The following PXDN variants were observed in gnomAD, a reference collection of about 807,000 sequenced individuals.
PXDN encodes peroxidasin homolog.
In PXDN, 77 loss-of-function variants were observed where a neutral mutation model predicts 140.3. That is an observed-to-expected ratio of 0.55 (90% confidence interval 0.46 to 0.66). The LOEUF (loss-of-function observed/expected upper bound fraction) is 0.66, where lower values mean the gene tolerates loss of function less well. Among genes scored for constraint, PXDN ranks in the 30% least tolerant of loss-of-function variants. The pLI, the probability that PXDN is intolerant of heterozygous loss-of-function variation, is 0.00. For missense variants in PXDN, 1,838 were observed against 2,039.5 expected (o/e 0.90, Z 1.90); for synonymous variants, 911 against 857.4 (o/e 1.06, Z -1.09).
intron 1 of PXDN, among the ~76,000 whole-genome samples, chr2:1,710,631 GCACCCACTCTATGAA>G (rs1454914058): frequency 1.5e-3 from 146 of 96,762 alleles, no homozygotes; most frequent in Non-Finnish European, 1.8e-3. Flanking sequence ...CTCTCCACCA[GCACCCACTCTATGAA>G]CACCCACTCT....
In PXDN at chr2:1,684,163, A is replaced by G; in HGVS notation, c.417-12T>C. ...TAAAGTGCAGGTATCTAGAGGAGTT[A>G]AAAGAAAAAAAAGTATAACTTACAA... On this transcript the variant is annotated splice_polypyrimidine_tract_variant and intron_variant, in intron 4 of 22. Coordinates refer to ENST00000252804, the MANE Select transcript of PXDN (RefSeq NM_012293.3). The G allele has an allele frequency of 6.5e-7, 1 of 1,550,014 alleles. No homozygotes were observed. The highest frequency in any genetic ancestry group is 8.7e-7 in the Non-Finnish European group (1 of 1,144,246).
At chr2:1,692,138 T>C (rs1684195369) in intron 2 of PXDN, 139 bp from the exon 3 acceptor site, 4 of 656,288 alleles carry the variant, frequency 6.1e-6, no homozygotes, top group African/African-American at 1.8e-5. Flanking sequence ...CAACGAACGC[T>C]GAACCCGCAG....
chr2:1,715,205 G>A lies in PXDN; in HGVS notation c.201-22071C>T, dbSNP rs758737565. ...AGGCCATTTCATTCTGCCCCAGAAA[G>A]ACCCTGCTCCGGGGTTAAGGGCAAG... On this transcript the variant is annotated intron_variant, in intron 1 of 22. Coordinates refer to ENST00000252804, the MANE Select transcript of PXDN (RefSeq NM_012293.3). 2.0e-5 allele frequency among the ~76,000 whole-genome samples: 3 copies of A among 152,260 alleles called. No individual in the cohort carries two copies. The South Asian group carries it at 6.2e-4, about 32-fold the overall frequency.
chr2:1,717,361 C>T (rs1684919825), intron 1 of PXDN, among the ~76,000 whole-genome samples: 2 of 152,154 alleles, frequency 1.3e-5, no homozygotes, highest in African/African-American at 4.8e-5. Context: ...CGGATCAGTC[C>T]AAATGCCTCT....
At chr2:1,643,203 C>T (rs903536855) in intron 19 of PXDN, among the ~76,000 whole-genome samples, 165 bp downstream of exon 19, 4 of 152,300 alleles carry the variant, frequency 2.6e-5, no homozygotes, top group East Asian at 1.9e-4. Flanking sequence ...TTTTTGGCTC[C>T]GCAGTCCATC....
chr2:1,708,244 AT>A (rs552500297), intron 1 of PXDN, among the ~76,000 whole-genome samples: 15 of 152,314 alleles, frequency 9.8e-5, no homozygotes, highest in African/African-American at 3.6e-4. Context: ...TTGTTCTGCA[AT>A]TAGTTAAGAG....
chr2:1,649,039 T>C lies in PXDN; in HGVS notation c.2741A>G (p.Asn914Ser), dbSNP rs374907262. The change falls in exon 17 of 23, where the codon AAC becomes AGC. Residue 914 changes from asparagine to serine, a missense_variant. Coordinates refer to ENST00000252804, the MANE Select transcript of PXDN (RefSeq NM_012293.3). The surrounding 1 kb of genome is among the most constrained non-coding windows in gnomAD (Gnocchi z 7.1). ...NQLTSYIDASNVYGSTEHEAR... is the reference protein window; with the variant it reads ...NQLTSYIDASSVYGSTEHEAR... ...CTCATGCTCCGTGCTCCCGTACACG[T>C]TGGATGCGTCTATGTAGGAGGTGAG... 148 of 1,612,540 alleles carry C rather than the reference T, an allele frequency of 9.2e-5. No individual in the cohort carries two copies. The East Asian group carries it at 3.1e-3, about 33-fold the overall frequency.
intron 8 of PXDN, among the ~76,000 whole-genome samples, 179 bp downstream of exon 8, chr2:1,676,748 G>A (rs954214881): frequency 2.6e-5 from 4 of 152,308 alleles, no homozygotes; most frequent in East Asian, 1.9e-4. Context: ...CAGAAACGTC[G>A]TCACACCCCC....
At chr2:1,709,215 C>G (rs561314630) in intron 1 of PXDN, among the ~76,000 whole-genome samples, 5 of 152,180 alleles carry the variant, frequency 3.3e-5, no homozygotes, top group Admixed American at 3.3e-4. Flanking sequence ...GCGGGGACCA[C>G]GAGCACTGCT....
Position 1,687,879 on chromosome 2 carries a change from C to G in PXDN, c.345-176G>C, listed in dbSNP as rs1197145720. On this transcript the variant is annotated intron_variant, in intron 3 of 22. Transcript: ENST00000252804. The surrounding 1 kb of genome is among the most constrained non-coding windows in gnomAD (Gnocchi z 4.0). ...CCTCTCCCAAGGGCTTCCCTTCCCT[C>G]AGATCTCAAGGGGGCTAAAAGCAAC... is the stretch of plus-strand genomic sequence containing the variant. Among the ~76,000 whole-genome samples, 1 of 152,214 alleles carries G rather than the reference C, an allele frequency of 6.6e-6. No individual in the cohort carries two copies. The highest frequency in any genetic ancestry group is 6.5e-5 in the Admixed American group (1 of 15,282).
chr2:1,741,255 T>C (rs1261873652), intron 1 of PXDN, among the ~76,000 whole-genome samples: 1 of 152,182 alleles, frequency 6.6e-6, no homozygotes, highest in South Asian at 2.1e-4. Context: ...ACTTTATCTT[T>C]AATACTAGCT....
At chr2:1,739,857 C>T (rs1425114381) in intron 1 of PXDN, among the ~76,000 whole-genome samples, 2 of 152,220 alleles carry the variant, frequency 1.3e-5, no homozygotes, top group Admixed American at 6.5e-5. Context: ...TTAAGTATCT[C>T]TATGGTACTT....
intron 4 of PXDN, among the ~76,000 whole-genome samples, chr2:1,684,517 A>G (rs1056436411): frequency 2.0e-5 from 3 of 152,238 alleles, no homozygotes; most frequent in Non-Finnish European, 1.5e-5. Flanking sequence ...GATAGCACAT[A>G]CATAAATAGG....
intron 17 of PXDN, chr2:1,646,306 C>T (rs753645208): frequency 3.3e-5 from 5 of 152,198 alleles, no homozygotes; most frequent in African/African-American, 4.8e-5. Context: ...AACACAGCCG[C>T]GGTCCACCTG....
intron 5 of PXDN, 67 bp downstream of exon 5, chr2:1,684,013 C>G: frequency 7.0e-7 from 1 of 1,431,406 alleles, no homozygotes; most frequent in South Asian, 1.3e-5. Context: ...TGACCTTAAT[C>G]TAACCAAGCC....
rs377190497 is a variant in PXDN at position 1,703,091 on chromosome 2, G to A, written c.201-9957C>T. The stretch of plus-strand genomic sequence containing the variant: ...CAGGTGAAGGGGGGCAACTCCAGGT[G>A]AAGGGGGGACAACTCCAGGTGAAGG... On this transcript the variant is annotated intron_variant, in intron 1 of 22. Transcript: ENST00000252804. 1.0e-3 allele frequency among the ~76,000 whole-genome samples: 8 copies of A among 7,726 alleles called. 2 individuals carry two copies. Among genetic ancestry groups the A allele is most frequent in the East Asian group, 3.4e-3 (1 of 298 alleles). 5.1% of individuals were successfully genotyped at this position (7,726 alleles called of 152,430 possible).
intron 14 of PXDN, among the ~76,000 whole-genome samples, chr2:1,658,395 A>G (rs571511790): frequency 1.3e-5 from 2 of 151,996 alleles, no homozygotes; most frequent in Admixed American, 1.3e-4. Flanking sequence ...TCTGGGTCTC[A>G]ATGGGTGACA....
rs919759060 is a variant in PXDN at position 1,648,025 on chromosome 2, TCTTGACCTTCATGGA to T, written c.3608+132_3608+146del. On this transcript the variant is annotated intron_variant, in intron 17 of 22. Transcript: ENST00000252804. The surrounding 1 kb of genome is among the most constrained non-coding windows in gnomAD (Gnocchi z 8.9). ...AGCCACGGGAGGCTGCAGGTTCCCA[TCTTGACCTTCATGGA>T]CTTGACCTTCATCTCACCTCTGCAC... is the stretch of plus-strand genomic sequence containing the variant. 310 of 1,194,676 alleles carry T rather than the reference TCTTGACCTTCATGGA, an allele frequency of 2.6e-4. 1 individual carries two copies. Among genetic ancestry groups the T allele is most frequent in the Middle Eastern group, 1.4e-3 (7 of 4,848 alleles). 74.0% of individuals were successfully genotyped at this position (1,194,676 alleles called of 1,614,324 possible).
chr2:1,728,438 G>A (rs1430854758), intron 1 of PXDN, among the ~76,000 whole-genome samples: 3 of 152,184 alleles, frequency 2.0e-5, no homozygotes, highest in African/African-American at 7.2e-5. Context: ...ACTTCACCTC[G>A]AAAATCAGTA....
Sources: allele counts gnomAD v4.1 joint callset (sites outside exome capture counted in the v4.1 genomes callset), GRCh38; gene constraint gnomAD v4.1.1; non-coding constraint Gnocchi (gnomAD v3.1); transcripts MANE v1.5; gene names NCBI Gene and HGNC (gene_info 2026-07-23, HGNC 2026-07-21).